TASP1: variants seen among roughly 807,000 people sequenced by gnomAD.
TASP1 encodes taspase 1, also known as threonine aspartase 1.
Under a neutral mutation model 56.6 loss-of-function variants are expected in TASP1, and 16 were observed. That is an observed-to-expected ratio of 0.28 (90% confidence interval 0.19 to 0.43). The LOEUF is 0.43. Among genes scored for constraint, TASP1 ranks in the 20% least tolerant of loss-of-function variants. The pLI is 1.00. For synonymous variants in TASP1, 179 were observed against 184.2 expected, an observed-to-expected ratio of 0.97 and a Z score of 0.23; for missense variants, 393 against 511.6, an observed-to-expected ratio of 0.77 and a Z score of 2.24.
the TASP1 span, among the ~76,000 whole-genome samples, chr20:13,274,689 C>T: frequency 6.6e-6 from 1 of 151,866 alleles, no homozygotes; most frequent in Non-Finnish European, 1.5e-5. Flanking sequence ...GCGCCCGGCC[C>T]CCGGGCCTCT....
chr20:13,325,115 C>A, the TASP1 span, among the ~76,000 whole-genome samples: 15 of 152,308 alleles, frequency 9.8e-5, no homozygotes, highest in African/African-American at 3.1e-4. Flanking sequence ...GAGAGCCACT[C>A]GACCTAAGTG....
intron 6 of TASP1, among the ~76,000 whole-genome samples, chr20:13,576,140 T>C (rs897134220): frequency 2.2e-5 from 3 of 135,790 alleles, no homozygotes; most frequent in Admixed American, 8.6e-5. Context: ...AAGCAGAGAC[T>C]GCAGCGAGCC....
At chr20:13,275,525 A>G in the TASP1 span, among the ~76,000 whole-genome samples, 2 of 152,136 alleles carry the variant, frequency 1.3e-5, no homozygotes. Context: ...GGGATCAGGC[A>G]CCACCATTTA....
At chr20:13,469,886 G>C (rs1423847462) in intron 11 of TASP1, among the ~76,000 whole-genome samples, 1 of 123,604 alleles carries the variant, frequency 8.1e-6, no homozygotes, top group Non-Finnish European at 1.6e-5. Flanking sequence ...TTGGCTCACT[G>C]CAACCTCTGC....
At chr20:13,616,838 T>C (rs1316047714) in intron 4 of TASP1, 4 of 304,044 alleles carry the variant, frequency 1.3e-5, no homozygotes, top group Non-Finnish European at 2.6e-5. Flanking sequence ...AAAAGTGTTT[T>C]AAAAAGAGTG....
In TASP1 at chr20:13,630,042, G is replaced by A. The variant is rs1400203380; in HGVS notation, c.37C>T (p.Leu13=). The A allele has an allele frequency of 1.9e-6, 3 of 1,613,884 alleles. No individual in the cohort carries two copies. The highest frequency in any genetic ancestry group is 2.2e-5 in the East Asian group (1 of 44,868). ...MEKGMSSGEG[L]PSRSSQVSAG... ...GAAACCTGAGATGATCTGGAAGGCA[G>A]CCCTTCTCCAGAACTCATCCCCTTC... The change falls in exon 2 of 14, where the codon CTG becomes TTG. Residue 13 remains leucine (L), a synonymous_variant. Coordinates refer to ENST00000337743, the MANE Select transcript of TASP1 (RefSeq NM_017714.3).
chr20:13,525,573 G>A (rs1346565411), intron 10 of TASP1, among the ~76,000 whole-genome samples: 1 of 152,078 alleles, frequency 6.6e-6, no homozygotes, highest in East Asian at 1.9e-4. Context: ...TCTTTTCTCC[G>A]CCTTTCAATT....
At chr20:13,229,257 T>C in the TASP1 span, among the ~76,000 whole-genome samples, 1 of 152,194 alleles carries the variant, frequency 6.6e-6, no homozygotes, top group Non-Finnish European at 1.5e-5. Context: ...TATGCCTATA[T>C]AGTTACCACC....
intron 4 of TASP1, among the ~76,000 whole-genome samples, chr20:13,607,844 G>A (rs1325637819): frequency 1.3e-5 from 2 of 152,292 alleles, no homozygotes; most frequent in East Asian, 3.9e-4. Flanking sequence ...GCAGGTGCCT[G>A]TAATCTCAGC....
chr20:13,214,885 G>A, the TASP1 span, among the ~76,000 whole-genome samples: 88 of 152,254 alleles, frequency 5.8e-4, no homozygotes, highest in Non-Finnish European at 8.7e-4. Context: ...AGAGGATGGC[G>A]CAAGGAGCCA....
At chr20:13,458,299 G>A (rs1568828057) in intron 11 of TASP1, among the ~76,000 whole-genome samples, 1 of 152,112 alleles carries the variant, frequency 6.6e-6, no homozygotes, top group Non-Finnish European at 1.5e-5. Flanking sequence ...GAAAAAGAGT[G>A]CCAGTAATTC....
intron 6 of TASP1, among the ~76,000 whole-genome samples, chr20:13,576,365 G>GAA (rs1191833104): frequency 8.3e-6 from 1 of 120,320 alleles, no homozygotes; most frequent in Non-Finnish European, 1.8e-5. Context: ...AAGAAAGAAA[G>GAA]AAAGAAAGAA....
chr20:13,500,959 G>C (rs1175802329), intron 10 of TASP1, among the ~76,000 whole-genome samples: 1 of 151,986 alleles, frequency 6.6e-6, no homozygotes, highest in Admixed American at 6.6e-5. Context: ...CTGCTGGAAA[G>C]CAAATATGAA....
At chr20:13,449,434 C>T (rs770966707) in intron 11 of TASP1, among the ~76,000 whole-genome samples, 2 of 152,172 alleles carry the variant, frequency 1.3e-5, no homozygotes, top group African/African-American at 2.4e-5. Flanking sequence ...TCAGATCCCA[C>T]TTACTGTGCA....
At chr20:13,154,269 G>A in the TASP1 span, 8 of 1,161,156 alleles carry the variant, frequency 6.9e-6, no homozygotes, top group South Asian at 3.1e-5. Context: ...ACGGCTTCTC[G>A]GAAGCCACCT....
At chr20:13,608,460 CAA>C (rs2048237237) in intron 4 of TASP1, among the ~76,000 whole-genome samples, 1 of 152,154 alleles carries the variant, frequency 6.6e-6, no homozygotes, top group East Asian at 1.9e-4. Flanking sequence ...CTGTAAAGGG[CAA>C]GATATATTAA....
At chr20:13,566,227 G>C (rs1046753231) in intron 7 of TASP1, among the ~76,000 whole-genome samples, 14 of 152,100 alleles carry the variant, frequency 9.2e-5, no homozygotes, top group Non-Finnish European at 1.6e-4. Flanking sequence ...GAGATGAAGA[G>C]GGTTCTATAG....
chr20:13,294,000 A>G, the TASP1 span, among the ~76,000 whole-genome samples: 1 of 152,050 alleles, frequency 6.6e-6, no homozygotes, highest in Non-Finnish European at 1.5e-5. Context: ...AAAAAGAAAA[A>G]AAAGAAAAGA....
At chr20:13,227,387 T>G in the TASP1 span, among the ~76,000 whole-genome samples, 2 of 151,392 alleles carry the variant, frequency 1.3e-5, no homozygotes, top group Non-Finnish European at 2.9e-5. Flanking sequence ...GTATTTTTAG[T>G]GGAGACAGGG....
Sources: allele counts gnomAD v4.1 joint callset (sites outside exome capture counted in the v4.1 genomes callset), GRCh38; gene constraint gnomAD v4.1.1; transcripts MANE v1.5; gene names NCBI Gene and HGNC (gene_info 2026-07-23, HGNC 2026-07-21).